The following CFHR2 variants were observed in gnomAD, a reference collection of about 807,000 sequenced individuals.
CFHR2 encodes the protein complement factor H-related protein 2.
A neutral mutation model predicts 21.7 loss-of-function variants in CFHR2; 22 were observed. The ratio of observed to expected loss-of-function variants is 1.01; its 90% confidence interval spans 0.72 to 1.45. The LOEUF is 1.45. CFHR2 is among the 40% of genes most tolerant of loss of function. CFHR2 has a pLI of 0.00. For synonymous variants in CFHR2, 98 were observed against 97.4 expected (o/e 1.01, Z -0.04); for missense variants, 294 against 293.3 (o/e 1.00, Z -0.02).
At chr1:196,957,751 T>C (rs1197943557) in intron 3 of CFHR2, 140 bp from the exon 4 acceptor site, 1 of 731,806 alleles carries the variant, frequency 1.4e-6, no homozygotes, top group African/African-American at 1.8e-5. Context: ...GTTTGTAGGA[T>C]AAATTTTACT....
chr1:196,959,432 G>C lies in CFHR2; in HGVS notation c.*352G>C, dbSNP rs114703793. 5.9e-3 allele frequency among the ~76,000 whole-genome samples: 903 copies of C among 151,840 alleles called. 18 individuals are homozygous for C. Among genetic ancestry groups the C allele is most frequent in the African/African-American group, 0.021 (868 of 41,426 alleles). The stretch of plus-strand genomic sequence containing the variant: ...TCTCAAACATTTTTCATTTCTTTGG[G>C]TTAGGAGCATTAAATATTCTCCTTC... On this transcript the variant is annotated 3_prime_UTR_variant, in exon 5 of 5. Transcript: ENST00000367415.
intron 3 of CFHR2, among the ~76,000 whole-genome samples, chr1:196,951,435 C>T (rs970101482): frequency 1.3e-5 from 2 of 152,090 alleles, no homozygotes; most frequent in African/African-American, 4.8e-5. Flanking sequence ...AATTCATATG[C>T]TCTATTCAAT....
intron 3 of CFHR2, among the ~76,000 whole-genome samples, chr1:196,957,232 A>G (rs1652921831): frequency 6.6e-6 from 1 of 151,234 alleles, no homozygotes; most frequent in Non-Finnish European, 1.5e-5. Flanking sequence ...CCAGGATACA[A>G]AGGAGTCCAA....
chr1:196,956,912 C>A (rs1652905830), intron 3 of CFHR2, among the ~76,000 whole-genome samples: 1 of 152,010 alleles, frequency 6.6e-6, no homozygotes, highest in Admixed American at 6.6e-5. Flanking sequence ...TGGGTATAAG[C>A]CCAGGTTTCC....
At chr1:196,952,158 C>G (rs1053524375) in intron 3 of CFHR2, among the ~76,000 whole-genome samples, 3 of 152,046 alleles carry the variant, frequency 2.0e-5, no homozygotes, top group Admixed American at 6.5e-5. Context: ...TGCCTCTAGT[C>G]TCAGCCACTG....
Position 196,955,555 on chromosome 1 carries a change from T to C in CFHR2, c.431-2336T>C, listed in dbSNP as rs186195896. On this transcript the variant is annotated intron_variant, in intron 3 of 4. Coordinates refer to ENST00000367415, the MANE Select transcript of CFHR2 (RefSeq NM_005666.4). Reference sequence around the variant, plus strand: ...TTCTCCAACCTGGGTAATATATCAGTAAAATAGGTTTGGCCAGACATGGTG... The same window carrying C: ...TTCTCCAACCTGGGTAATATATCAGCAAAATAGGTTTGGCCAGACATGGTG... Among the ~76,000 whole-genome samples, 373 of 152,172 alleles carry C rather than the reference T, an allele frequency of 2.5e-3. 3 individuals are homozygous for C. Among genetic ancestry groups the C allele is most frequent in the African/African-American group, 8.1e-3 (338 of 41,504 alleles).
At chr1:196,955,386 A>G (rs978541018) in intron 3 of CFHR2, among the ~76,000 whole-genome samples, 9 of 152,010 alleles carry the variant, frequency 5.9e-5, no homozygotes, top group African/African-American at 1.4e-4. Context: ...TCATCTTCCT[A>G]TCTTCTTCTG....
In CFHR2 at chr1:196,946,858, TA is replaced by T. The variant is rs569778632; in HGVS notation, c.59-2595del. 7.6e-3 allele frequency among the ~76,000 whole-genome samples: 1,158 copies of T among 152,346 alleles called. 17 individuals carry two copies. The highest frequency in any genetic ancestry group is 0.027 in the African/African-American group (1,106 of 41,568). On this transcript the variant is annotated intron_variant, in intron 1 of 4. Coordinates refer to ENST00000367415, the MANE Select transcript of CFHR2 (RefSeq NM_005666.4). Reference sequence around the variant, plus strand: ...ATACTATATGAAATACATTAACCAGTAACACTTCTATATTGTCATCATCAAG... The same window carrying T: ...ATACTATATGAAATACATTAACCAGTACACTTCTATATTGTCATCATCAAG...
chr1:196,958,526 G>T (rs1031187916), intron 4 of CFHR2, among the ~76,000 whole-genome samples: 1 of 151,606 alleles, frequency 6.6e-6, no homozygotes, highest in South Asian at 2.1e-4. Flanking sequence ...TTCTCTATTT[G>T]ATTCCCAGTT....
At chr1:196,954,215 C>G (rs1035067371) in intron 3 of CFHR2, among the ~76,000 whole-genome samples, 6 of 152,228 alleles carry the variant, frequency 3.9e-5, no homozygotes, top group African/African-American at 1.4e-4. Context: ...GGGCTACAGT[C>G]CCCACACAAG....
rs3748556 is a variant in CFHR2, at chr1:196,957,826, C to T, written c.431-65C>T. ...GATAGACTATAAAGTGCCTTGTTTG[C>T]ATTTGCCTTATTTGAACTTGTATTT... On this transcript the variant is annotated intron_variant, in intron 3 of 4. Coordinates refer to ENST00000367415, the MANE Select transcript of CFHR2 (RefSeq NM_005666.4). 0.31 allele frequency: 442,945 copies of T among 1,437,948 alleles called. 73,065 individuals are homozygous for T. The highest frequency in any genetic ancestry group is 0.59 in the African/African-American group (41,733 of 70,736). The allele number at this position is 1,437,948 out of a possible 1,614,324, so 89.1% of individuals were successfully genotyped here. A position where few individuals can be genotyped will look rare whatever the true frequency, so the allele number is the denominator to read the frequency against.
chr1:196,956,713 T>C (rs2125013853), intron 3 of CFHR2, among the ~76,000 whole-genome samples: 1 of 152,340 alleles, frequency 6.6e-6, no homozygotes, highest in Non-Finnish European at 1.5e-5. Flanking sequence ...TTTTAAAGCA[T>C]CATCAATTTC....
intron 1 of CFHR2, among the ~76,000 whole-genome samples, chr1:196,948,125 C>G (rs1449699901): frequency 6.6e-6 from 1 of 152,062 alleles, no homozygotes; most frequent in Non-Finnish European, 1.5e-5. Context: ...CATATATACA[C>G]TAGTCCTTTA....
At chr1:196,947,581 T>G (rs1367445986) in intron 1 of CFHR2, among the ~76,000 whole-genome samples, 1 of 152,186 alleles carries the variant, frequency 6.6e-6, no homozygotes, top group East Asian at 1.9e-4. Flanking sequence ...TGAAAATATT[T>G]CAAATATTGT....
intron 3 of CFHR2, among the ~76,000 whole-genome samples, chr1:196,953,344 G>A (rs534584772): frequency 6.6e-6 from 1 of 152,020 alleles, no homozygotes; most frequent in East Asian, 1.9e-4. Flanking sequence ...GTACAATGGT[G>A]GGATCTTGGC....
At chr1:196,948,157 C>T (rs1008662092) in intron 1 of CFHR2, among the ~76,000 whole-genome samples, 4 of 152,018 alleles carry the variant, frequency 2.6e-5, no homozygotes, top group African/African-American at 7.3e-5. Context: ...GAATTGGTTC[C>T]AGGACTCTAC....
At chr1:196,951,514 G>C (rs1180034030) in intron 3 of CFHR2, among the ~76,000 whole-genome samples, 1 of 152,094 alleles carries the variant, frequency 6.6e-6, no homozygotes, top group Non-Finnish European at 1.5e-5. Flanking sequence ...GAGTAGCTTA[G>C]CATTTGGAAA....
At chr1:196,946,768 A>C (rs933811659) in intron 1 of CFHR2, among the ~76,000 whole-genome samples, 1 of 152,338 alleles carries the variant, frequency 6.6e-6, no homozygotes, top group African/African-American at 2.4e-5. Context: ...AGGAAACATT[A>C]ACCGTTTTAC....
At chr1:196,950,138 A>G (rs114691381) in intron 2 of CFHR2, among the ~76,000 whole-genome samples, 4,752 of 152,288 alleles carry the variant, frequency 0.031, 247 homozygotes, top group African/African-American at 0.11. Context: ...GATAACAGGT[A>G]TATTAAAAGA....
Sources: allele counts gnomAD v4.1 joint callset (sites outside exome capture counted in the v4.1 genomes callset), GRCh38; gene constraint gnomAD v4.1.1; transcripts MANE v1.5; gene names NCBI Gene and HGNC (gene_info 2026-07-23, HGNC 2026-07-21).